ALDH18A1: variants seen among roughly 807,000 people sequenced by gnomAD.
ALDH18A1 encodes the protein delta-1-pyrroline-5-carboxylate synthase.
Under a neutral mutation model 88.8 loss-of-function variants are expected in ALDH18A1, and 44 were observed. The ratio of observed to expected loss-of-function variants is 0.50; its 90% CI spans 0.39 to 0.64. The LOEUF is 0.64. Ranked by LOEUF, ALDH18A1 falls within the 30% of genes least tolerant of loss-of-function variation. ALDH18A1 has a pLI of 0.00. For synonymous variants in ALDH18A1, 331 were observed against 372.1 expected, an observed-to-expected ratio of 0.89 and a Z score of 1.27; for missense variants, 782 against 1,009.5, an observed-to-expected ratio of 0.77 and a Z score of 3.05.
At chr10:95,643,828 AG>A (rs1201618511) in intron 2 of ALDH18A1, among the ~76,000 whole-genome samples, 1 of 152,190 alleles carries the variant, frequency 6.6e-6, no homozygotes, top group Non-Finnish European at 1.5e-5. Flanking sequence ...GTGTTTCTAA[AG>A]AAACCATATT....
intron 12 of ALDH18A1, among the ~76,000 whole-genome samples, chr10:95,617,303 C>T (rs1200725360): frequency 1.3e-5 from 2 of 152,188 alleles, no homozygotes; most frequent in East Asian, 3.9e-4. Flanking sequence ...ACATGGCACC[C>T]CCCACCGTGG....
At chr10:95,625,256 A>T in intron 11 of ALDH18A1, 106 bp downstream of exon 11, 1 of 973,882 alleles carries the variant, frequency 1.0e-6, no homozygotes, top group Non-Finnish European at 1.7e-6. Flanking sequence ...AATTTCTTTT[A>T]TAAAAATCCT....
chr10:95,617,693 A>C (rs1328659096), intron 12 of ALDH18A1, among the ~76,000 whole-genome samples: 3 of 152,226 alleles, frequency 2.0e-5, no homozygotes, highest in African/African-American at 7.2e-5. Flanking sequence ...TTTAGGATTC[A>C]TGGATTCTGT....
intron 15 of ALDH18A1, 98 bp downstream of exon 15, chr10:95,613,644 T>C: frequency 6.8e-7 from 1 of 1,480,842 alleles, no homozygotes; most frequent in Non-Finnish European, 9.4e-7. Context: ...TTAAAAAATA[T>C]TGTTTCTTAA....
In ALDH18A1 at chr10:95,611,343, T is replaced by C; in HGVS notation, c.2023A>G (p.Ile675Val). Residue 675 changes from isoleucine to valine, a missense_variant, in exon 16 of 18, where the codon ATT (isoleucine) becomes GTT (valine). Physicochemically the swap from Ile to Val is conservative, Grantham distance 29 (BLOSUM62 3). Transcript: ENST00000371224. ...TCCTGAACGTTGTCCACTACTTCAA[T>C]GCATAATTCCAGGTCCCCATACTCA... Reference protein sequence around the residue: ...RTEYGDLELCIEVVDNVQDAI... With the variant: ...RTEYGDLELCVEVVDNVQDAI... 4 of 1,614,216 alleles carry C rather than the reference T, an allele frequency of 2.5e-6. No homozygotes were observed. The highest frequency in any genetic ancestry group is 2.5e-6 in the Non-Finnish European group (3 of 1,180,034).
intron 7 of ALDH18A1, among the ~76,000 whole-genome samples, chr10:95,632,744 G>A (rs554946839): frequency 4.2e-4 from 64 of 152,258 alleles, no homozygotes; most frequent in African/African-American, 1.5e-3. Context: ...GAAAACAACT[G>A]AAAGCACCTG....
intron 5 of ALDH18A1, among the ~76,000 whole-genome samples, chr10:95,634,849 C>A (rs1008129287): frequency 3.3e-5 from 5 of 152,190 alleles, no homozygotes; most frequent in African/African-American, 1.2e-4. Flanking sequence ...ATAATGCAAT[C>A]TCTCTAATGT....
At chr10:95,635,292 C>T (rs990496468) in intron 5 of ALDH18A1, among the ~76,000 whole-genome samples, 4 of 151,956 alleles carry the variant, frequency 2.6e-5, no homozygotes, top group Non-Finnish European at 5.9e-5. Flanking sequence ...TTAATATAAA[C>T]CCGTGTGTAG....
intron 7 of ALDH18A1, 133 bp from the exon 8 acceptor site, chr10:95,628,625 AC>A: frequency 1.8e-6 from 2 of 1,106,730 alleles, no homozygotes; most frequent in Non-Finnish European, 2.6e-6. Flanking sequence ...ACCTGCTTTA[AC>A]CAGAAAAAGA....
Position 95,646,801 on chromosome 10 carries a change from G to A in ALDH18A1, c.89-3595C>T, listed in dbSNP as rs572190347. On this transcript the variant is annotated intron_variant, in intron 2 of 17. Coordinates refer to ENST00000371224, the MANE Select transcript of ALDH18A1 (RefSeq NM_002860.4). The stretch of plus-strand genomic sequence containing the variant: ...TGAGGGCATACTGAAGTGTATGTGT[G>A]TACAGATGTGGCATGGTGGGGGATG... Among the ~76,000 whole-genome samples, 13 of 152,274 alleles carry A rather than the reference G, an allele frequency of 8.5e-5. 1 individual carries two copies. In the South Asian group the frequency reaches 2.3e-3, roughly 27 times the overall value.
intron 3 of ALDH18A1, among the ~76,000 whole-genome samples, chr10:95,639,610 C>G (rs1392890550): frequency 6.6e-6 from 1 of 151,610 alleles, no homozygotes; most frequent in Non-Finnish European, 1.5e-5. Context: ...TCTCTCTCCA[C>G]AAATCCATTA....
chr10:95,617,837 G>C (rs1280445919), intron 12 of ALDH18A1, among the ~76,000 whole-genome samples: 3 of 152,170 alleles, frequency 2.0e-5, no homozygotes, highest in Admixed American at 6.5e-5. Context: ...TCCACAGAGA[G>C]ACTTAGGCCC....
In ALDH18A1 at chr10:95,610,135, A is replaced by G. The variant is rs1240433210; in HGVS notation, c.2206+62T>C. ...GGAGGTGTCTTTCCCACCTCAACAT[A>G]CCCCTAGACCACACAGTGCTTCACA... On this transcript the variant is annotated intron_variant, in intron 17 of 17. Transcript: ENST00000371224. 3 of 1,508,452 alleles carry G rather than the reference A, an allele frequency of 2.0e-6. No homozygotes were observed. In the African/African-American group the frequency reaches 4.1e-5, roughly 21 times the overall value. 93.4% of individuals were successfully genotyped at this position (1,508,452 alleles called of 1,614,324 possible).
intron 2 of ALDH18A1, among the ~76,000 whole-genome samples, chr10:95,647,680 G>A (rs1283475804): frequency 6.6e-6 from 1 of 152,240 alleles, no homozygotes; most frequent in East Asian, 1.9e-4. Context: ...AAGAAATATT[G>A]CACAGGAAGA....
chr10:95,643,281 A>C, intron 2 of ALDH18A1, 75 bp from the exon 3 acceptor site: 1 of 1,439,526 alleles, frequency 6.9e-7, no homozygotes. Context: ...ATACATGCTC[A>C]GTATTAACCA....
chr10:95,626,913 G>C (rs575195370), intron 9 of ALDH18A1, 137 bp from the exon 10 acceptor site: 70 of 851,622 alleles, frequency 8.2e-5, no homozygotes, highest in Non-Finnish European at 1.2e-4. Context: ...TGGTATGCTT[G>C]TTTCACACAG....
chr10:95,619,666 T>C (rs1272034942), intron 12 of ALDH18A1, among the ~76,000 whole-genome samples: 7 of 152,068 alleles, frequency 4.6e-5, no homozygotes, highest in Non-Finnish European at 8.8e-5. Flanking sequence ...TTGACAAACC[T>C]GACAAAAACA....
intron 6 of ALDH18A1, 22 bp from the exon 7 acceptor site, chr10:95,633,071 C>A: frequency 6.3e-7 from 1 of 1,592,716 alleles, no homozygotes; most frequent in South Asian, 1.1e-5. Flanking sequence ...ATTAAAAAGT[C>A]ATAAGTGAGT....
chr10:95,626,326 G>A (rs1566017142), intron 10 of ALDH18A1, among the ~76,000 whole-genome samples: 1 of 152,086 alleles, frequency 6.6e-6, no homozygotes, highest in Non-Finnish European at 1.5e-5. Context: ...ACCAACTATG[G>A]AGCAGGCTCT....
Sources: gnomAD v4.1 joint callset for allele counts (sites outside exome capture counted in the v4.1 genomes callset) on GRCh38, gnomAD v4.1.1 for gene constraint, MANE v1.5 for transcripts, NCBI Gene and HGNC (gene_info 2026-07-23, HGNC 2026-07-21) for gene names.